The following NECTIN3 variants were observed in gnomAD, a reference collection of about 807,000 sequenced individuals.
The protein encoded by NECTIN3 is nectin cell adhesion molecule 3, also known as nectin-3.
In NECTIN3, 8 loss-of-function variants were observed where a neutral mutation model predicts 49.4. The observed-to-expected ratio is 0.16, with a 90% CI of 0.10 to 0.29. NECTIN3 has a LOEUF of 0.29. Ranked by LOEUF, NECTIN3 falls within the 10% of genes least tolerant of loss-of-function variation. The pLI is 1.00. For synonymous variants in NECTIN3, 277 were observed against 241.1 expected (o/e 1.15, Z -1.38); for missense variants, 581 against 654.6 (o/e 0.89, Z 1.23).
intron 1 of NECTIN3, among the ~76,000 whole-genome samples, chr3:111,111,060 G>A (rs1477843): frequency 0.71 from 107,382 of 151,910 alleles, 43,607 homozygotes; most frequent in Non-Finnish European, 0.93. Flanking sequence ...CCATTTTTGA[G>A]TGCTTATTTT....
At chr3:111,106,913 C>T (rs2033206594) in intron 1 of NECTIN3, among the ~76,000 whole-genome samples, 1 of 151,808 alleles carries the variant, frequency 6.6e-6, no homozygotes, top group African/African-American at 2.4e-5. Flanking sequence ...AATATGCATG[C>T]CATTACTGTA....
intron 1 of NECTIN3, among the ~76,000 whole-genome samples, chr3:111,100,925 G>A (rs960915068): frequency 1.3e-5 from 2 of 152,082 alleles, no homozygotes; most frequent in African/African-American, 2.4e-5. Flanking sequence ...GATTTTGAAC[G>A]TCCTGACTAG....
At chr3:111,092,711 T>C (rs2032349550) in intron 1 of NECTIN3, among the ~76,000 whole-genome samples, 1 of 152,214 alleles carries the variant, frequency 6.6e-6, no homozygotes, top group African/African-American at 2.4e-5. Flanking sequence ...TTAGTCACTG[T>C]AGTTTTGAAG....
chr3:111,134,559 G>T lies in NECTIN3; in HGVS notation c.*344G>T. ...AAAAAGGGAACTACCTTGACATTGT[G>T]TATTAAATGTTTACCTAAGACTATA... On this transcript the variant is annotated 3_prime_UTR_variant, in exon 6 of 6. Coordinates refer to ENST00000485303, the MANE Select transcript of NECTIN3 (RefSeq NM_015480.3). 1.0e-6 allele frequency: 1 copy of T among 962,512 alleles called. No homozygotes were observed. Among genetic ancestry groups the T allele is most frequent in the Non-Finnish European group, 1.2e-6 (1 of 806,190 alleles). 59.6% of individuals were successfully genotyped at this position (962,512 alleles called of 1,614,324 possible).
At position 111,118,735 on chromosome 3, in the gene NECTIN3, C is replaced by G. The variant is rs755022112; in HGVS notation, c.582C>G (p.Ile194Met). ...ATGAAACAGTAGCAGCCATTTGCAT[C>G]GCAGCCACTGGAAAACCCGTTGCAC... ...GGNETVAAIC[I>M]AATGKPVAHI... Residue 194 changes from isoleucine (I) to methionine (M), a missense_variant, in exon 3 of 6, where the codon ATC becomes ATG. Coordinates refer to ENST00000485303, the MANE Select transcript of NECTIN3 (RefSeq NM_015480.3). 1 of 1,614,042 alleles carries G rather than the reference C, an allele frequency of 6.2e-7. No individual in the cohort carries two copies. Among genetic ancestry groups the G allele is most frequent in the Non-Finnish European group, 8.5e-7 (1 of 1,179,970 alleles).
chr3:111,108,728 G>A (rs1399502671), intron 1 of NECTIN3, among the ~76,000 whole-genome samples: 1 of 152,060 alleles, frequency 6.6e-6, no homozygotes, highest in Non-Finnish European at 1.5e-5. Context: ...GTTACATAAA[G>A]CAAAAGAAAG....
intron 1 of NECTIN3, among the ~76,000 whole-genome samples, chr3:111,084,125 C>T (rs1360012423): frequency 6.6e-6 from 1 of 151,948 alleles, no homozygotes; most frequent in Non-Finnish European, 1.5e-5. Context: ...GAAGACACTT[C>T]TTTCTACTAA....
chr3:111,178,221 T>C (rs113144735), intron 7 of NECTIN3, among the ~76,000 whole-genome samples: 13 of 152,344 alleles, frequency 8.5e-5, no homozygotes, highest in Admixed American at 4.6e-4. Flanking sequence ...TGCTACCTTG[T>C]GGGATAAAAT....
At chr3:111,175,736 G>A (rs752832753) in intron 7 of NECTIN3, among the ~76,000 whole-genome samples, 2 of 152,118 alleles carry the variant, frequency 1.3e-5, no homozygotes, top group Non-Finnish European at 2.9e-5. Context: ...TGGGACCGAG[G>A]GAAGAGCTGC....
intron 7 of NECTIN3, among the ~76,000 whole-genome samples, chr3:111,168,958 T>C (rs2035378000): frequency 6.6e-6 from 1 of 152,106 alleles, no homozygotes; most frequent in African/African-American, 2.4e-5. Flanking sequence ...TGTACTGGGG[T>C]TTTGGATTAC....
intron 5 of NECTIN3, among the ~76,000 whole-genome samples, chr3:111,143,758 C>T (rs991728078): frequency 6.6e-6 from 1 of 151,902 alleles, no homozygotes; most frequent in African/African-American, 2.4e-5. Flanking sequence ...TTCTTCTCTT[C>T]CAACAAGGGG....
intron 1 of NECTIN3, among the ~76,000 whole-genome samples, chr3:111,080,319 CTTT>C (rs2031510834): frequency 2.0e-5 from 3 of 151,828 alleles, no homozygotes; most frequent in Non-Finnish European, 2.9e-5. Context: ...GATATATTTT[CTTT>C]ATATTTATAG....
chr3:111,081,630 C>T (rs897840760), intron 1 of NECTIN3, among the ~76,000 whole-genome samples: 2 of 152,008 alleles, frequency 1.3e-5, no homozygotes, highest in Admixed American at 6.6e-5. Flanking sequence ...AAAGTATTGT[C>T]GGATTATAGA....
chr3:111,193,514 A>G (rs2107540607), intron 1 of NECTIN3: 1 of 1,033,586 alleles, frequency 9.7e-7, no homozygotes, highest in Non-Finnish European at 1.3e-6. Flanking sequence ...GTCTTAATGA[A>G]TGACGTAAAG....
At chr3:111,160,816 G>T (rs1004327242) in intron 7 of NECTIN3, among the ~76,000 whole-genome samples, 20 of 152,166 alleles carry the variant, frequency 1.3e-4, no homozygotes, top group African/African-American at 3.6e-4. Flanking sequence ...GACCATCGTG[G>T]CTAACACGGT....
rs1349410108 is a variant in NECTIN3, at chr3:111,134,316, A to C, written c.*101A>C. On this transcript the variant is annotated 3_prime_UTR_variant, in exon 6 of 6. Coordinates refer to ENST00000485303, the MANE Select transcript of NECTIN3 (RefSeq NM_015480.3). Reference sequence around the variant, plus strand: ...TTCTTGAGGAAGAATAAGCTTTTTCAAGTTGATTTTCAAGCTTACTTTTTA... The same window carrying C: ...TTCTTGAGGAAGAATAAGCTTTTTCCAGTTGATTTTCAAGCTTACTTTTTA... 2.1e-6 allele frequency: 3 copies of C among 1,461,780 alleles called. No homozygotes were observed. In the East Asian group the frequency reaches 7.2e-5, roughly 35 times the overall value. The allele number at this position is 1,461,780 out of a possible 1,614,324, so 90.6% of individuals were successfully genotyped here.
At chr3:111,088,859 T>A (rs987491008) in intron 1 of NECTIN3, among the ~76,000 whole-genome samples, 6 of 152,200 alleles carry the variant, frequency 3.9e-5, no homozygotes, top group African/African-American at 1.4e-4. Context: ...TTGGGAAGTG[T>A]TCATCTTTTT....
intron 7 of NECTIN3, among the ~76,000 whole-genome samples, chr3:111,179,037 A>G (rs559917146): frequency 6.6e-6 from 1 of 152,372 alleles, no homozygotes; most frequent in East Asian, 1.9e-4. Context: ...TACCTGCTAT[A>G]TGGATAAGGC....
intron 1 of NECTIN3, among the ~76,000 whole-genome samples, chr3:111,101,487 A>T (rs1312186026): frequency 6.6e-6 from 1 of 152,152 alleles, no homozygotes; most frequent in Non-Finnish European, 1.5e-5. Flanking sequence ...TTATTATAGA[A>T]ACGTAAACTT....
Sources: gnomAD v4.1 joint callset for allele counts (sites outside exome capture counted in the v4.1 genomes callset) on GRCh38, gnomAD v4.1.1 for gene constraint, MANE v1.5 for transcripts, NCBI Gene and HGNC (gene_info 2026-07-23, HGNC 2026-07-21) for gene names.